Variants in TDRD6 observed in about 807,000 individuals in gnomAD.
TDRD6 encodes tudor domain containing 6.
In TDRD6, 186 loss-of-function variants were observed where a neutral mutation model predicts 157.5. The observed-to-expected ratio is 1.18, with a 90% CI of 1.05 to 1.33. The LOEUF (loss-of-function observed/expected upper bound fraction) is 1.33, where lower values mean the gene tolerates loss of function less well. TDRD6 is among the 40% of genes most tolerant of loss of function. TDRD6 has a pLI of 0.00. For missense variants in TDRD6, 3,066 were observed against 2,508.0 expected, an observed-to-expected ratio of 1.22 and a Z score of -4.75; for synonymous variants, 1,075 against 945.2, an observed-to-expected ratio of 1.14 and a Z score of -2.52.
intron 2 of TDRD6, among the ~76,000 whole-genome samples, chr6:46,696,466 A>ATG (rs1230232193): frequency 8.5e-5 from 4 of 47,036 alleles, no homozygotes; most frequent in South Asian, 9.9e-4. Context: ...ATATATATGT[A>ATG]TATGTGTGTA....
At chr6:46,694,856 C>G (rs1764453177) in intron 1 of TDRD6, among the ~76,000 whole-genome samples, 1 of 152,074 alleles carries the variant, frequency 6.6e-6, no homozygotes, top group Non-Finnish European at 1.5e-5. Context: ...TTAATTTACA[C>G]TAAGGATTAT....
At chr6:46,695,259 T>C (rs1764460465) in intron 1 of TDRD6, among the ~76,000 whole-genome samples, 1 of 152,180 alleles carries the variant, frequency 6.6e-6, no homozygotes, top group Admixed American at 6.5e-5. Context: ...GTCTACTATA[T>C]AGTTTTAAAA....
rs754412445 is a variant in TDRD6 at position 46,695,825 on chromosome 6, A to G, written c.6051A>G (p.Gln2017=). Residue 2017 remains glutamine (Q), a synonymous_variant, in exon 2 of 4, where the codon CAA becomes CAG. Transcript: ENST00000316081. Reference sequence around the variant, plus strand: ...TTACTCAATTCAATTTGGCAGCTCAACTACAGAACACCTACACTCTGAAAG... The same window carrying G: ...TTACTCAATTCAATTTGGCAGCTCAGCTACAGAACACCTACACTCTGAAAG... ...NNGLPDHISA[Q]LQNTYTLKAF... 3.7e-6 allele frequency: 6 copies of G among 1,612,622 alleles called. No homozygotes were observed. The Admixed American group carries it at 5.0e-5, about 14-fold the overall frequency.
In TDRD6 at chr6:46,693,324, A is replaced by G. The variant is rs1381849026; in HGVS notation, c.5196A>G (p.Leu1732=). 1.2e-6 allele frequency: 2 copies of G among 1,604,670 alleles called. No individual in the cohort carries two copies. The highest frequency in any genetic ancestry group is 3.5e-5 in the Admixed American group (2 of 57,212). ...ATCTTGATGTAGGACTTAAGAAATT[A>G]AGTAATAAAGCTGTACAAAATAAAA... ...SYNLDVGLKK[L]SNKAVQNKIY... is the part of the protein sequence containing the mutation. The change falls in exon 1 of 4, where the codon TTA becomes TTG. Residue 1732 remains leucine (L), a synonymous_variant. Transcript: ENST00000316081.
chr6:46,687,761 C>G (rs1764139536), upstream of TDRD6: 1 of 208,792 alleles, frequency 4.8e-6, no homozygotes, highest in African/African-American at 2.3e-5. Context: ...AACCTCCCAC[C>G]TCGGGGTCTC....
Position 46,689,992 on chromosome 6 carries a change from A to G in TDRD6, c.1864A>G (p.Lys622Glu), listed in dbSNP as rs767702081. 2 of 1,613,378 alleles carry G rather than the reference A, an allele frequency of 1.2e-6. No individual in the cohort carries two copies. Among genetic ancestry groups the G allele is most frequent in the Non-Finnish European group, 1.7e-6 (2 of 1,179,706 alleles). The change falls in exon 1 of 4, where the codon AAG becomes GAG. Residue 622 changes from lysine to glutamate, a missense_variant. Lys to Glu is a moderately conservative substitution (Grantham distance 56). Transcript: ENST00000316081. ...WSQEAVSFFK[K>E]TVLHKELVIH... The stretch of plus-strand genomic sequence containing the variant: ...CCAGGAGGCAGTTTCCTTTTTTAAA[A>G]AGACTGTGCTCCACAAAGAATTAGT...
Position 46,691,015 on chromosome 6 carries a change from C to T in TDRD6, c.2887C>T (p.Gln963Ter), listed in dbSNP as rs770934988. 6.2e-7 allele frequency: 1 copy of T among 1,613,720 alleles called. No homozygotes were observed. Among genetic ancestry groups the T allele is most frequent in the Non-Finnish European group, 8.5e-7 (1 of 1,179,930 alleles). Residue 963 changes from glutamine to a stop codon, truncating the protein, a stop_gained, in exon 1 of 4, where the codon CAG (glutamine) becomes TAG (stop). Transcript: ENST00000316081. LOFTEE classifies it high-confidence loss of function. ...GAGACTTGCAAGACCAGTAAAACTTCAGAAGCCTTTGGAGTCCTCTGTTCA... is the reference window on the plus strand; with the variant it reads ...GAGACTTGCAAGACCAGTAAAACTTTAGAAGCCTTTGGAGTCCTCTGTTCA... ...EKRLARPVKL[Q>*]KPLESSVQLH... is the part of the protein sequence containing the mutation.
chr6:46,690,451 G>T lies in TDRD6; in HGVS notation c.2323G>T (p.Glu775Ter). 6.2e-7 allele frequency: 1 copy of T among 1,614,144 alleles called. No homozygotes were observed. The highest frequency in any genetic ancestry group is 8.5e-7 in the Non-Finnish European group (1 of 1,180,020). Residue 775 changes from glutamate (E) to a stop codon, truncating the protein, a stop_gained, in exon 1 of 4, where the codon GAA (glutamate) becomes TAA (stop). Coordinates refer to ENST00000316081, the MANE Select transcript of TDRD6 (RefSeq NM_001010870.3). LOFTEE classifies it high-confidence loss of function. ...AGAGCTGGAAGTTGGAAGTACAGTA[G>T]AAGTCAGAGTGTCTTATGTTGAAAA... is the stretch of plus-strand genomic sequence containing the variant. The part of the protein sequence containing the change: ...KGELEVGSTV[E>*]VRVSYVENPG...
intron 1 of TDRD6, among the ~76,000 whole-genome samples, chr6:46,695,502 T>C (rs1764466722): frequency 6.6e-6 from 1 of 152,138 alleles, no homozygotes; most frequent in South Asian, 2.1e-4. Context: ...TAGAAATGGC[T>C]GTTGTAAGTA....
Position 46,692,022 on chromosome 6 carries a change from G to A in TDRD6, c.3894G>A (p.Gln1298=). The change falls in exon 1 of 4, where the codon CAG becomes CAA. Residue 1298 remains glutamine, a synonymous_variant. Coordinates refer to ENST00000316081, the MANE Select transcript of TDRD6 (RefSeq NM_001010870.3). ...CTCTGAAATTTTGTGAGTTCCCACAGAAGACTATAATGCCTGGATTTAAAA... is the reference window on the plus strand; with the variant it reads ...CTCTGAAATTTTGTGAGTTCCCACAAAAGACTATAATGCCTGGATTTAAAA... ...DLPLKFCEFP[Q]KTIMPGFKTT... is the part of the protein sequence containing the mutation. The A allele has an allele frequency of 1.2e-6, 2 of 1,613,796 alleles. No homozygotes were observed. The highest frequency in any genetic ancestry group is 2.2e-5 in the South Asian group (2 of 91,010).
upstream of TDRD6, among the ~76,000 whole-genome samples, chr6:46,685,565 A>G (rs1764070318): frequency 6.6e-6 from 1 of 152,056 alleles, no homozygotes; most frequent in South Asian, 2.1e-4. Context: ...ACGTATTTGT[A>G]TTAGGATAAG....
At chr6:46,696,474 G>GTATATATATA (rs1286889467) in intron 2 of TDRD6, among the ~76,000 whole-genome samples, 22 of 131,512 alleles carry the variant, frequency 1.7e-4, no homozygotes, top group African/African-American at 6.1e-4. Context: ...GTATATGTGT[G>GTATATATATA]TATATATATA....
Position 46,694,062 on chromosome 6 carries a change from A to C in TDRD6, c.5934A>C (p.Glu1978Asp), listed in dbSNP as rs1349468132. The change falls in exon 1 of 4, where the codon GAA becomes GAC. Residue 1978 changes from glutamate to aspartate, a missense_variant. By Grantham distance (45) the Glu-to-Asp change is conservative. Coordinates refer to ENST00000316081, the MANE Select transcript of TDRD6 (RefSeq NM_001010870.3). ...TQNEMNICEEEFVEYKNRDAI... is the reference protein window; with the variant it reads ...TQNEMNICEEDFVEYKNRDAI... ...ATGAAATGAATATATGTGAAGAAGA[A>C]TTTGTAGAGTATAAAAACAGGGATG... is the stretch of plus-strand genomic sequence containing the variant. 2 of 1,613,878 alleles carry C rather than the reference A, an allele frequency of 1.2e-6. No homozygotes were observed. Among genetic ancestry groups the C allele is most frequent in the Non-Finnish European group, 1.7e-6 (2 of 1,179,936 alleles).
chr6:46,681,350 T>C, the TDRD6 span, among the ~76,000 whole-genome samples: 1 of 152,250 alleles, frequency 6.6e-6, no homozygotes, highest in Non-Finnish European at 1.5e-5. Context: ...TTAAATAATA[T>C]ATAATTGACT....
Position 46,691,416 on chromosome 6 carries a change from C to T in TDRD6, c.3288C>T (p.Val1096=). The change falls in exon 1 of 4, where the codon GTC becomes GTT. Residue 1096 remains valine (V), a synonymous_variant. Transcript: ENST00000316081. The stretch of plus-strand genomic sequence containing the variant: ...TCTTACTTTTGCCCATGCAAGCTGT[C>T]AGATGTTCATTATCTGATATTCCTG... The part of the protein sequence containing the change: ...YDVLLLPMQA[V]RCSLSDIPDH... The T allele has an allele frequency of 6.2e-7, 1 of 1,614,026 alleles. No individual in the cohort carries two copies. The highest frequency in any genetic ancestry group is 8.5e-7 in the Non-Finnish European group (1 of 1,179,950).
rs1764258025 is a variant in TDRD6, at chr6:46,689,984, T to C, written c.1856T>C (p.Phe619Ser). 1 of 1,613,438 alleles carries C rather than the reference T, an allele frequency of 6.2e-7. No homozygotes were observed. The highest frequency in any genetic ancestry group is 8.5e-7 in the Non-Finnish European group (1 of 1,179,716). Residue 619 changes from phenylalanine (F) to serine (S), a missense_variant, in exon 1 of 4, where the codon TTT becomes TCT. Physicochemically the swap from Phe to Ser is radical, Grantham distance 155 (BLOSUM62 -2). Coordinates refer to ENST00000316081, the MANE Select transcript of TDRD6 (RefSeq NM_001010870.3). ...GKTWSQEAVS[F>S]FKKTVLHKEL... The stretch of plus-strand genomic sequence containing the variant: ...ACTTGGAGCCAGGAGGCAGTTTCCT[T>C]TTTTAAAAAGACTGTGCTCCACAAA...
chr6:46,688,569 G>A lies in TDRD6; in HGVS notation c.441G>A (p.Pro147=), dbSNP rs1407489180. The A allele has an allele frequency of 3.1e-6, 5 of 1,593,390 alleles. No individual in the cohort carries two copies. The highest frequency in any genetic ancestry group is 4.2e-6 in the Non-Finnish European group (5 of 1,176,582). ...AGCGAGSGEP[P]QHWPADAVDF... is the part of the protein sequence containing the mutation. ...GCGGCGCGGGCTCAGGCGAGCCGCC[G>A]CAGCACTGGCCCGCCGACGCCGTGG... The change falls in exon 1 of 4, where the codon CCG becomes CCA. Residue 147 remains proline (P), a synonymous_variant. Transcript: ENST00000316081.
At chr6:46,700,121 CA>C (rs1319592929) in intron 3 of TDRD6, among the ~76,000 whole-genome samples, 10 of 152,026 alleles carry the variant, frequency 6.6e-5, no homozygotes, top group African/African-American at 2.4e-4. Flanking sequence ...ATGAAGAATC[CA>C]CAGCCAAATG....
Position 46,691,521 on chromosome 6 carries a change from A to C in TDRD6, c.3393A>C (p.Lys1131Asn), listed in dbSNP as rs769360953. The C allele has an allele frequency of 4.3e-6, 7 of 1,613,952 alleles. No individual in the cohort carries two copies. Among genetic ancestry groups the C allele is most frequent in the Non-Finnish European group, 5.9e-6 (7 of 1,179,948 alleles). Residue 1131 changes from lysine (K) to asparagine (N), a missense_variant, in exon 1 of 4, where the codon AAA becomes AAC. Physicochemically the swap from Lys to Asn is moderately conservative, Grantham distance 94. Transcript: ENST00000316081. ...DKSLKALVVAKDPDGTLIIEL... is the reference protein window; with the variant it reads ...DKSLKALVVANDPDGTLIIEL... ...CATTGAAGGCTTTAGTTGTAGCAAA[A>C]GATCCAGATGGAACACTGATTATAG...
Sources: allele counts gnomAD v4.1 joint callset (sites outside exome capture counted in the v4.1 genomes callset), GRCh38; gene constraint gnomAD v4.1.1; transcripts MANE v1.5; gene names NCBI Gene and HGNC (gene_info 2026-07-23, HGNC 2026-07-21).